Variants in DTNA observed in about 807,000 individuals in gnomAD.
DTNA encodes the protein dystrobrevin alpha.
DTNA carries 43 observed loss-of-function variants against 100.7 expected under a neutral mutation model. The ratio of observed to expected loss-of-function variants is 0.43; its 90% CI spans 0.33 to 0.55. The LOEUF (loss-of-function observed/expected upper bound fraction) is 0.55, where lower values mean the gene tolerates loss of function less well. DTNA is among the 20% of genes least tolerant of loss of function. The pLI, the probability that DTNA is intolerant of heterozygous loss-of-function variation, is 0.04. For missense variants in DTNA, 798 were observed against 953.9 expected, an observed-to-expected ratio of 0.84 and a Z score of 2.15; for synonymous variants, 349 against 347.9, an observed-to-expected ratio of 1.00 and a Z score of -0.04.
In DTNA at chr18:34,890,261, C is replaced by T; in HGVS notation, c.*2527C>T. The T allele has an allele frequency of 6.6e-7, 1 of 1,522,544 alleles. No homozygotes were observed. The highest frequency in any genetic ancestry group is 8.8e-7 in the Non-Finnish European group (1 of 1,138,704). 94.3% of individuals were successfully genotyped at this position (1,522,544 alleles called of 1,614,324 possible). ...GGACTCTGGAAACTGCCGCCAATGACCAATTTCTGACTAACCAGCCACCTT... is the reference window on the plus strand; with the variant it reads ...GGACTCTGGAAACTGCCGCCAATGATCAATTTCTGACTAACCAGCCACCTT... On this transcript the variant is annotated 3_prime_UTR_variant, in exon 23 of 23. Coordinates refer to ENST00000444659, the MANE Select transcript of DTNA (RefSeq NM_001386795.1).
At chr18:34,806,369 T>G (rs1050682745) in intron 5 of DTNA, 65 bp downstream of exon 5, 1 of 1,360,328 alleles carries the variant, frequency 7.4e-7, no homozygotes, top group African/African-American at 1.4e-5. Context: ...TTTCTCTCCC[T>G]CATTCCTCTA....
intron 1 of DTNA, among the ~76,000 whole-genome samples, chr18:34,716,787 G>A (rs535762260): frequency 1.3e-5 from 2 of 152,128 alleles, no homozygotes; most frequent in African/African-American, 4.8e-5. Flanking sequence ...ATGTTAAAGA[G>A]TAGAAAAGTC....
At chr18:34,505,056 C>G (rs1478424562) in intron 1 of DTNA, among the ~76,000 whole-genome samples, 1 of 152,200 alleles carries the variant, frequency 6.6e-6, no homozygotes, top group Non-Finnish European at 1.5e-5. Context: ...CAGAAGTGCA[C>G]ATGTACTTTC....
chr18:34,745,412 GGGGA>G (rs2091410189), intron 1 of DTNA, among the ~76,000 whole-genome samples: 1 of 142,446 alleles, frequency 7.0e-6, no homozygotes. Flanking sequence ...ATTAGAATTG[GGGGA>G]GGATCTATTT....
At chr18:34,517,173 T>G (rs2041709507) in intron 1 of DTNA, among the ~76,000 whole-genome samples, 1 of 152,126 alleles carries the variant, frequency 6.6e-6, no homozygotes, top group East Asian at 1.9e-4. Context: ...TTGCATAAGA[T>G]TAACCAAAGC....
chr18:34,877,286 G>A (rs894437079), intron 18 of DTNA, among the ~76,000 whole-genome samples: 1 of 152,166 alleles, frequency 6.6e-6, no homozygotes, highest in Admixed American at 6.5e-5. Context: ...CAGCCACCAG[G>A]TAAGGGCAAG....
At chr18:34,583,068 T>C (rs2048786899) in intron 1 of DTNA, among the ~76,000 whole-genome samples, 4 of 152,240 alleles carry the variant, frequency 2.6e-5, no homozygotes, top group African/African-American at 7.2e-5. Context: ...TTTCACTTTT[T>C]AAGAGAGATA....
chr18:34,526,025 C>G lies in DTNA; in HGVS notation c.-2+32511C>G, dbSNP rs182294931. Among the ~76,000 whole-genome samples, 13 of 152,220 alleles carry G rather than the reference C, an allele frequency of 8.5e-5. No homozygotes were observed. In the East Asian group the frequency reaches 2.5e-3, roughly 29 times the overall value. ...TACATCCCTGAACTCACCACTCTTTCGGAACACGAAGCTATGGTCTTTAGC... is the reference window on the plus strand; with the variant it reads ...TACATCCCTGAACTCACCACTCTTTGGGAACACGAAGCTATGGTCTTTAGC... On this transcript the variant is annotated intron_variant, in intron 1 of 19. Coordinates refer to the DTNA transcript ENST00000283365.
intron 1 of DTNA, among the ~76,000 whole-genome samples, chr18:34,567,965 T>C (rs920704903): frequency 1.3e-5 from 2 of 152,202 alleles, no homozygotes; most frequent in Non-Finnish European, 2.9e-5. Context: ...TTCCTGCATG[T>C]TGCAATTATG....
intron 13 of DTNA, among the ~76,000 whole-genome samples, chr18:34,842,157 A>C (rs1327501435): frequency 6.6e-6 from 1 of 152,182 alleles, no homozygotes; most frequent in Admixed American, 6.6e-5. Flanking sequence ...GTAGTAGACC[A>C]ACCAAATGAT....
At chr18:34,557,744 G>T (rs1460357121) in intron 1 of DTNA, among the ~76,000 whole-genome samples, 1 of 151,220 alleles carries the variant, frequency 6.6e-6, no homozygotes, top group African/African-American at 2.4e-5. Context: ...TTCCAGCTAC[G>T]TGCTGGGAGA....
intron 17 of DTNA, among the ~76,000 whole-genome samples, chr18:34,874,541 C>T (rs533654353): frequency 6.6e-6 from 1 of 152,274 alleles, no homozygotes; most frequent in East Asian, 1.9e-4. Context: ...TTAAATCCTA[C>T]TATTCTTATT....
chr18:34,699,940 G>A (rs2081137363), intron 1 of DTNA, among the ~76,000 whole-genome samples: 1 of 152,100 alleles, frequency 6.6e-6, no homozygotes, highest in African/African-American at 2.4e-5. Context: ...AAGTTCAAAG[G>A]TTATACTCAG....
intron 1 of DTNA, among the ~76,000 whole-genome samples, chr18:34,505,648 G>A (rs2040415934): frequency 6.7e-6 from 1 of 149,724 alleles, no homozygotes. Flanking sequence ...TTATATTTTG[G>A]GTATTTTTTT....
intron 1 of DTNA, among the ~76,000 whole-genome samples, chr18:34,550,187 T>C (rs1390876979): frequency 6.6e-6 from 1 of 152,148 alleles, no homozygotes; most frequent in Non-Finnish European, 1.5e-5. Context: ...TAGAAAGGAA[T>C]TTGTTTTCAT....
chr18:34,576,688 A>G (rs577776813), intron 1 of DTNA, among the ~76,000 whole-genome samples: 35 of 152,124 alleles, frequency 2.3e-4, no homozygotes, highest in African/African-American at 7.0e-4. Flanking sequence ...CGAATTCCCA[A>G]CCTCAGGTGA....
intron 1 of DTNA, among the ~76,000 whole-genome samples, chr18:34,550,093 A>C (rs2045241516): frequency 1.3e-5 from 2 of 152,142 alleles, no homozygotes; most frequent in Admixed American, 1.3e-4. Flanking sequence ...AACTCTAGAA[A>C]GCTTCTAACA....
intron 1 of DTNA, among the ~76,000 whole-genome samples, chr18:34,569,003 T>C (rs181666100): frequency 1.2e-3 from 180 of 152,340 alleles, no homozygotes; most frequent in African/African-American, 4.2e-3. Context: ...GAAACCCATG[T>C]TACTATGCTG....
At chr18:34,808,532 C>G (rs1240628814) in intron 5 of DTNA, among the ~76,000 whole-genome samples, 1 of 152,172 alleles carries the variant, frequency 6.6e-6, no homozygotes, top group Admixed American at 6.5e-5. Context: ...CATGAGCAAT[C>G]CATGAACAAA....
Sources: gnomAD v4.1 joint callset for allele counts (sites outside exome capture counted in the v4.1 genomes callset) on GRCh38, gnomAD v4.1.1 for gene constraint, MANE v1.5 for transcripts, NCBI Gene and HGNC (gene_info 2026-07-23, HGNC 2026-07-21) for gene names.